The following CACNB2 variants were observed in gnomAD, a reference collection of about 807,000 sequenced individuals.
CACNB2 encodes the protein voltage-dependent L-type calcium channel subunit beta-2.
A neutral mutation model predicts 73.3 loss-of-function variants in CACNB2; 42 were observed. The ratio of observed to expected loss-of-function variants is 0.57; its 90% CI spans 0.45 to 0.74. The LOEUF (loss-of-function observed/expected upper bound fraction) is 0.74. Among genes scored for constraint, CACNB2 ranks in the 30% least tolerant of loss-of-function variants. CACNB2 has a pLI of 0.00. For synonymous variants in CACNB2, 348 were observed against 310.3 expected (o/e 1.12, Z -1.28); for missense variants, 940 against 853.0 (o/e 1.10, Z -1.27).
chr10:18,513,011 A>G (rs2133115800), intron 6 of CACNB2: 1 of 189,396 alleles, frequency 5.3e-6, no homozygotes, highest in South Asian at 1.1e-4. Flanking sequence ...CGATCTGCTG[A>G]GCATACTTCT....
At chr10:18,194,339 T>A (rs141390614) in intron 2 of CACNB2, among the ~76,000 whole-genome samples, 1 of 152,240 alleles carries the variant, frequency 6.6e-6, no homozygotes, top group East Asian at 1.9e-4. Context: ...GGAAGCCAGG[T>A]GGGAGTGAAC....
chr10:18,506,614 T>C, intron 6 of CACNB2, 67 bp downstream of exon 6: 4 of 1,052,624 alleles, frequency 3.8e-6, no homozygotes, highest in Non-Finnish European at 6.0e-6. Context: ...CTATCCAGTT[T>C]TGTGAATTTA....
At position 18,140,777 on chromosome 10, in the gene CACNB2, C is replaced by T. The variant is rs2030294364; in HGVS notation, c.41C>T (p.Ala14Val). The change falls in exon 1 of 14, where the codon GCG (alanine) becomes GTG (valine). Residue 14 changes from alanine to valine, a missense_variant. Transcript: ENST00000324631. ...ATGTCCAAGTCGCCTCCCACAGCGG[C>T]GGCGGCGGTGGCGCAGGAGATCCAG... is the stretch of plus-strand genomic sequence containing the variant. ...RDMSKSPPTA[A>V]AAVAQEIQME... 1.3e-6 allele frequency: 2 copies of T among 1,597,972 alleles called. No homozygotes were observed. Among genetic ancestry groups the T allele is most frequent in the Non-Finnish European group, 1.7e-6 (2 of 1,173,952 alleles).
At chr10:18,315,522 A>AAC (rs2040143530) in intron 2 of CACNB2, among the ~76,000 whole-genome samples, 2 of 131,864 alleles carry the variant, frequency 1.5e-5, no homozygotes, top group Admixed American at 8.0e-5. Flanking sequence ...AAAAAAAAAA[A>AAC]AAAAAACTTT....
chr10:18,235,142 CAA>C lies in CACNB2; in HGVS notation c.213+84183_213+84184del, dbSNP rs34052926. Among the ~76,000 whole-genome samples the C allele has an allele frequency of 9.3e-4, 93 of 99,698 alleles. 1 individual carries two copies. Among genetic ancestry groups the C allele is most frequent in the East Asian group, 3.1e-3 (10 of 3,266 alleles). 65.4% of individuals were successfully genotyped at this position (99,698 alleles called of 152,430 possible). ...TGGGCGACAGAGCGAGACTCTGTCT[CAA>C]AAAAAAAAAAAAAAACAGTTAAAAG... On this transcript the variant is annotated intron_variant, in intron 2 of 13. Coordinates refer to ENST00000324631, the MANE Select transcript of CACNB2 (RefSeq NM_201596.3).
chr10:18,474,492 T>A (rs757017010), intron 3 of CACNB2, among the ~76,000 whole-genome samples: 1 of 152,150 alleles, frequency 6.6e-6, no homozygotes. Flanking sequence ...TCAGCATGGA[T>A]TGTTAGACTG....
chr10:18,243,293 CAAGGTAAGGGGAAATA>C (rs1225809734), intron 2 of CACNB2, among the ~76,000 whole-genome samples: 4 of 151,626 alleles, frequency 2.6e-5, no homozygotes, highest in Non-Finnish European at 5.9e-5. Context: ...CACATTTATT[CAAGGTAAGGGGAAATA>C]AAGGTGATTC....
chr10:18,434,940 G>T lies in CACNB2; in HGVS notation c.333+32897G>T, dbSNP rs545809482. 1.1e-4 allele frequency among the ~76,000 whole-genome samples: 16 copies of T among 152,284 alleles called. No individual in the cohort carries two copies. The South Asian group carries it at 3.3e-3, about 32-fold the overall frequency. ...GCAAATGATGTCTTAGTGCCATTAA[G>T]AAAATAGTTTTGACCTTGTGGAATC... is the stretch of plus-strand genomic sequence containing the variant. On this transcript the variant is annotated intron_variant, in intron 3 of 13. Coordinates refer to ENST00000324631, the MANE Select transcript of CACNB2 (RefSeq NM_201596.3).
chr10:18,365,125 G>A (rs1425391073), intron 2 of CACNB2, among the ~76,000 whole-genome samples: 2 of 152,170 alleles, frequency 1.3e-5, no homozygotes, highest in East Asian at 1.9e-4. Context: ...TGACTGAGTT[G>A]ATAGTTAAGA....
chr10:18,467,282 A>G (rs1287806062), intron 3 of CACNB2, among the ~76,000 whole-genome samples: 2 of 152,244 alleles, frequency 1.3e-5, no homozygotes, highest in Non-Finnish European at 2.9e-5. Context: ...TTTTGCCACA[A>G]GATTCAAATA....
Position 18,160,422 on chromosome 10 carries a change from C to T in CACNB2, c.213+9447C>T, listed in dbSNP as rs1220079600. On this transcript the variant is annotated intron_variant, in intron 2 of 13. Transcript: ENST00000324631. ...CAGATATGCTTTGAATTACACTTTC[C>T]ACCGATACCTCATTTTCTTCCATTT... is the stretch of plus-strand genomic sequence containing the variant. Among the ~76,000 whole-genome samples, 2 of 151,866 alleles carry T rather than the reference C, an allele frequency of 1.3e-5. 1 individual carries two copies. Among genetic ancestry groups the T allele is most frequent in the East Asian group, 3.9e-4 (2 of 5,178 alleles).
intron 2 of CACNB2, among the ~76,000 whole-genome samples, chr10:18,332,196 A>AG (rs2040832243): frequency 6.6e-6 from 1 of 152,200 alleles, no homozygotes; most frequent in Non-Finnish European, 1.5e-5. Context: ...TGCCTTATAA[A>AG]GACCTCTTTG....
chr10:18,274,708 C>A (rs2038203457), intron 2 of CACNB2, among the ~76,000 whole-genome samples: 1 of 151,946 alleles, frequency 6.6e-6, no homozygotes, highest in South Asian at 2.1e-4. Flanking sequence ...CTCAAAGCAC[C>A]AATTTCATAG....
chr10:18,356,547 T>G (rs1209495913), intron 2 of CACNB2, among the ~76,000 whole-genome samples: 1 of 152,224 alleles, frequency 6.6e-6, no homozygotes, highest in Non-Finnish European at 1.5e-5. Flanking sequence ...TCTCCCATTA[T>G]TCACATCACC....
intron 2 of CACNB2, among the ~76,000 whole-genome samples, chr10:18,320,630 A>T (rs1462836539): frequency 2.6e-5 from 4 of 152,218 alleles, no homozygotes; most frequent in Non-Finnish European, 5.9e-5. Flanking sequence ...TTAACTTCCC[A>T]TGCCATTGTC....
At chr10:18,386,711 T>G (rs1488865960) in intron 2 of CACNB2, among the ~76,000 whole-genome samples, 3 of 152,110 alleles carry the variant, frequency 2.0e-5, no homozygotes, top group African/African-American at 7.2e-5. Context: ...CTGCCTTTAT[T>G]TATGATTTTT....
chr10:18,428,374 T>A (rs1232772709), intron 3 of CACNB2, among the ~76,000 whole-genome samples: 1 of 152,186 alleles, frequency 6.6e-6, no homozygotes, highest in Non-Finnish European at 1.5e-5. Context: ...ACCCCTTATC[T>A]CCCTATTTCT....
intron 2 of CACNB2, among the ~76,000 whole-genome samples, chr10:18,207,766 G>C (rs191781685): frequency 2.0e-4 from 30 of 152,160 alleles, no homozygotes; most frequent in African/African-American, 6.7e-4. Context: ...CAAAACTTTA[G>C]CTTCATTTGT....
At chr10:18,159,008 G>A (rs1004992339) in intron 2 of CACNB2, among the ~76,000 whole-genome samples, 1 of 152,054 alleles carries the variant, frequency 6.6e-6, no homozygotes, top group Non-Finnish European at 1.5e-5. Flanking sequence ...GTGTAGTTCT[G>A]TTCTCTCTCA....
Sources: allele counts gnomAD v4.1 joint callset (sites outside exome capture counted in the v4.1 genomes callset), GRCh38; gene constraint gnomAD v4.1.1; transcripts MANE v1.5; gene names NCBI Gene and HGNC (gene_info 2026-07-23, HGNC 2026-07-21).